The following SLC9C1 variants were observed in gnomAD, a reference collection of about 807,000 sequenced individuals.
SLC9C1 encodes solute carrier family 9 member C1.
SLC9C1 carries 97 observed loss-of-function variants against 140.9 expected under a neutral mutation model. The ratio of observed to expected loss-of-function variants is 0.69; its 90% CI spans 0.58 to 0.82. SLC9C1 has a LOEUF of 0.82. SLC9C1 is among the 40% of genes least tolerant of loss of function. The probability of loss-of-function intolerance (pLI) is 0.00; values close to 1 mark genes in which losing one functional copy is unlikely to be tolerated. For missense variants in SLC9C1, 1,340 were observed against 1,389.3 expected (o/e 0.96, Z 0.56); for synonymous variants, 440 against 442.6 (o/e 0.99, Z 0.07).
chr3:112,249,155 T>C (rs746334921), intron 10 of SLC9C1, among the ~76,000 whole-genome samples: 1 of 152,116 alleles, frequency 6.6e-6, no homozygotes, highest in Non-Finnish European at 1.5e-5. Flanking sequence ...GTTTTGAACA[T>C]GAAGTAATGT....
At chr3:112,286,606 A>C in intron 2 of SLC9C1, 98 bp downstream of exon 2, 1 of 1,018,654 alleles carries the variant, frequency 9.8e-7, no homozygotes, top group Non-Finnish European at 1.4e-6. Flanking sequence ...TGAGAACAAA[A>C]TTATATCCTA....
At chr3:112,250,042 TC>T (rs1286481134) in intron 10 of SLC9C1, among the ~76,000 whole-genome samples, 1 of 151,808 alleles carries the variant, frequency 6.6e-6, no homozygotes, top group African/African-American at 2.4e-5. Flanking sequence ...TAGGTATATC[TC>T]CTAATGCTAT....
chr3:112,289,089 A>T (rs180899512), intron 1 of SLC9C1, among the ~76,000 whole-genome samples: 7 of 152,302 alleles, frequency 4.6e-5, no homozygotes, highest in Non-Finnish European at 1.0e-4. Context: ...AATTCAGACA[A>T]CATTGCTCAA....
intron 13 of SLC9C1, among the ~76,000 whole-genome samples, chr3:112,225,842 C>T (rs181507301): frequency 6.6e-6 from 1 of 152,158 alleles, no homozygotes; most frequent in East Asian, 1.9e-4. Context: ...AAGAAGTTTA[C>T]TATATAATGA....
intron 8 of SLC9C1, among the ~76,000 whole-genome samples, chr3:112,265,860 T>C (rs576134922): frequency 5.3e-5 from 8 of 152,152 alleles, no homozygotes; most frequent in Non-Finnish European, 8.8e-5. Flanking sequence ...TGCCTTAAGT[T>C]CAACTTAATT....
At chr3:112,177,811 G>A (rs1447460065) in intron 23 of SLC9C1, among the ~76,000 whole-genome samples, 1 of 148,026 alleles carries the variant, frequency 6.8e-6, no homozygotes, top group Non-Finnish European at 1.5e-5. Flanking sequence ...TAGCAGATGT[G>A]CTGCTCTGTT....
chr3:112,147,937 A>ATT (rs1156430962), intron 28 of SLC9C1, among the ~76,000 whole-genome samples: 1 of 152,130 alleles, frequency 6.6e-6, no homozygotes, highest in Non-Finnish European at 1.5e-5. Context: ...ATAATCCCAT[A>ATT]TTTCTCAAAG....
At chr3:112,243,219 T>C (rs193244109) in intron 11 of SLC9C1, among the ~76,000 whole-genome samples, 1 of 152,194 alleles carries the variant, frequency 6.6e-6, no homozygotes, top group Admixed American at 6.5e-5. Flanking sequence ...CACTTGTATG[T>C]TCATCACAGC....
intron 10 of SLC9C1, among the ~76,000 whole-genome samples, chr3:112,253,580 G>C (rs4345043): frequency 0.59 from 89,991 of 152,012 alleles, 27,156 homozygotes; most frequent in East Asian, 0.79. Context: ...AGACTCTGCA[G>C]AAAGCCTTGG....
At chr3:112,247,415 TTAA>T (rs1297272606) in intron 10 of SLC9C1, among the ~76,000 whole-genome samples, 1 of 152,200 alleles carries the variant, frequency 6.6e-6, no homozygotes, top group Non-Finnish European at 1.5e-5. Context: ...TCAACCATAG[TTAA>T]TAACGTGCTC....
Position 112,177,867 on chromosome 3 carries a change from A to G in SLC9C1, c.2919+1664T>C, listed in dbSNP as rs11922334. Among the ~76,000 whole-genome samples the G allele has an allele frequency of 6.2e-3, 942 of 150,788 alleles. 14 individuals carry two copies. Among genetic ancestry groups the G allele is most frequent in the African/African-American group, 0.022 (900 of 41,330 alleles). Reference sequence around the variant, plus strand: ...CCAAAGCAGAAGGCTAGAGTGTTTTATGCAAATTCCAGGTATCATAAATAT... The same window carrying G: ...CCAAAGCAGAAGGCTAGAGTGTTTTGTGCAAATTCCAGGTATCATAAATAT... On this transcript the variant is annotated intron_variant, in intron 23 of 28. Transcript: ENST00000305815.
chr3:112,181,141 G>T (rs2077432483), intron 21 of SLC9C1, among the ~76,000 whole-genome samples: 1 of 152,138 alleles, frequency 6.6e-6, no homozygotes, highest in Non-Finnish European at 1.5e-5. Context: ...TAATAAGTTT[G>T]TAACAGAAAA....
At chr3:112,265,659 T>C (rs2108300842) in intron 8 of SLC9C1, among the ~76,000 whole-genome samples, 1 of 152,242 alleles carries the variant, frequency 6.6e-6, no homozygotes, top group Admixed American at 6.5e-5. Flanking sequence ...TGATAACTAC[T>C]CACCCCTTAG....
chr3:112,177,454 C>T (rs988420948), intron 23 of SLC9C1, among the ~76,000 whole-genome samples: 1 of 151,608 alleles, frequency 6.6e-6, no homozygotes. Flanking sequence ...AAGACTTTGT[C>T]TTACTTCCTG....
chr3:112,213,337 A>T (rs2078261165), intron 15 of SLC9C1, among the ~76,000 whole-genome samples: 2 of 152,224 alleles, frequency 1.3e-5, no homozygotes, highest in African/African-American at 4.8e-5. Context: ...TAATGACAGG[A>T]TCAAATCCAC....
chr3:112,280,873 G>T (rs2080338647), intron 2 of SLC9C1, 90 bp from the exon 3 acceptor site: 1 of 1,045,286 alleles, frequency 9.6e-7, no homozygotes, highest in Non-Finnish European at 1.4e-6. Flanking sequence ...TGTGAACAAT[G>T]TCTTACAGTT....
intron 20 of SLC9C1, chr3:112,185,886 G>A (rs2077528712): frequency 3.2e-6 from 5 of 1,586,864 alleles, no homozygotes; most frequent in African/African-American, 1.3e-5. Context: ...AGGCGGCAGG[G>A]GGCTCTCAGC....
At chr3:112,238,582 G>C (rs1490856548) in intron 12 of SLC9C1, among the ~76,000 whole-genome samples, 1 of 152,154 alleles carries the variant, frequency 6.6e-6, no homozygotes, top group Non-Finnish European at 1.5e-5. Context: ...CCCCATCTTT[G>C]TGGTTTTATC....
intron 10 of SLC9C1, among the ~76,000 whole-genome samples, chr3:112,258,918 G>C (rs1030944307): frequency 6.6e-6 from 1 of 151,986 alleles, no homozygotes; most frequent in African/African-American, 2.4e-5. Flanking sequence ...AGGAGAGAGA[G>C]GGAGTCAAAG....
Sources: gnomAD v4.1 joint callset for allele counts (sites outside exome capture counted in the v4.1 genomes callset) on GRCh38, gnomAD v4.1.1 for gene constraint, MANE v1.5 for transcripts, NCBI Gene and HGNC (gene_info 2026-07-23, HGNC 2026-07-21) for gene names.